The following SEMA3A variants were observed in gnomAD, a reference collection of about 807,000 sequenced individuals.
SEMA3A encodes the protein semaphorin-3A.
Under a neutral mutation model 97.9 loss-of-function variants are expected in SEMA3A, and 29 were observed. The ratio of observed to expected loss-of-function variants is 0.30; its 90% CI spans 0.22 to 0.40. The LOEUF is 0.40. Among genes scored for constraint, SEMA3A ranks in the 10% least tolerant of loss-of-function variants. The pLI, the probability that SEMA3A is intolerant of heterozygous loss-of-function variation, is 1.00. For synonymous variants in SEMA3A, 321 were observed against 323.7 expected (o/e 0.99, Z 0.09); for missense variants, 763 against 951.3 (o/e 0.80, Z 2.60).
At chr7:84,093,537 G>C (rs147963981) in intron 4 of SEMA3A, among the ~76,000 whole-genome samples, 70 of 152,202 alleles carry the variant, frequency 4.6e-4, no homozygotes, top group African/African-American at 1.6e-3. Context: ...TAGGAGAAGA[G>C]AGATGAGGAA....
At chr7:84,243,503 C>T (rs1799413508) in intron 3 of SEMA3A, among the ~76,000 whole-genome samples, 1 of 152,090 alleles carries the variant, frequency 6.6e-6, no homozygotes, top group Non-Finnish European at 1.5e-5. Context: ...TCCCCTTTAT[C>T]ATTTTTTATT....
intron 1 of SEMA3A, among the ~76,000 whole-genome samples, chr7:84,185,285 T>C (rs970600100): frequency 1.3e-5 from 2 of 152,080 alleles, no homozygotes; most frequent in Admixed American, 6.6e-5. Flanking sequence ...CCGGGTACCA[T>C]GAACCTACAA....
chr7:84,468,422 T>C (rs1806061413), intron 1 of SEMA3A, among the ~76,000 whole-genome samples: 1 of 152,208 alleles, frequency 6.6e-6, no homozygotes, highest in South Asian at 2.1e-4. Flanking sequence ...CCTAGTTTAC[T>C]GCATTTAAGG....
Position 84,210,296 on chromosome 7 carries a change from G to A in SEMA3A, c.-82-15628C>T, listed in dbSNP as rs1434550700. ...TGCTCAGATAACACAGATGATAGGC[G>A]CTGAGCCCAACTGGTTTTACAGGAG... On this transcript the variant is annotated intron_variant, in intron 3 of 3. Coordinates refer to the SEMA3A transcript ENST00000424555. Among the ~76,000 whole-genome samples, 5 of 152,076 alleles carry A rather than the reference G, an allele frequency of 3.3e-5. No homozygotes were observed. In the South Asian group the frequency reaches 6.2e-4, roughly 19 times the overall value.
intron 3 of SEMA3A, among the ~76,000 whole-genome samples, chr7:84,260,544 ACT>A (rs1357633576): frequency 6.6e-6 from 1 of 152,150 alleles, no homozygotes; most frequent in African/African-American, 2.4e-5. Flanking sequence ...GCCTGTTCCC[ACT>A]GTCTGGCCTC....
intron 1 of SEMA3A, among the ~76,000 whole-genome samples, chr7:84,419,031 C>A: frequency 6.6e-6 from 1 of 151,910 alleles, no homozygotes; most frequent in East Asian, 1.9e-4. Flanking sequence ...CTGACTAATA[C>A]AATTGGTTTC....
chr7:84,203,526 A>ATATATATATATTTTTTTTTTTTTTTTT (rs372380784), intron 3 of SEMA3A, among the ~76,000 whole-genome samples: 1 of 25,658 alleles, frequency 3.9e-5, no homozygotes, highest in African/African-American at 1.3e-4. Flanking sequence ...ATATATATAT[A>ATATATATATATTTTTTTTTTTTTTTTT]TTTTTTTTTT....
intron 1 of SEMA3A, among the ~76,000 whole-genome samples, chr7:84,400,005 TC>T (rs1446729739): frequency 6.6e-6 from 1 of 152,204 alleles, no homozygotes; most frequent in African/African-American, 2.4e-5. Flanking sequence ...GAAATCTCCC[TC>T]ATCTTCCTTA....
chr7:84,302,221 A>C (rs1037474583), intron 3 of SEMA3A, among the ~76,000 whole-genome samples: 2 of 151,388 alleles, frequency 1.3e-5, no homozygotes, highest in Non-Finnish European at 1.5e-5. Flanking sequence ...AAATTAATGC[A>C]TAGTATCAAA....
intron 1 of SEMA3A, among the ~76,000 whole-genome samples, chr7:84,411,766 AAC>A (rs1361407623): frequency 6.6e-6 from 1 of 152,078 alleles, no homozygotes; most frequent in African/African-American, 2.4e-5. Flanking sequence ...GCTGGGTTTA[AAC>A]AACAGTTTAG....
At chr7:84,062,260 C>A (rs1225742269) in intron 4 of SEMA3A, among the ~76,000 whole-genome samples, 1 of 152,032 alleles carries the variant, frequency 6.6e-6, no homozygotes, top group Non-Finnish European at 1.5e-5. Flanking sequence ...ATATACATCA[C>A]TAAATTACAA....
intron 3 of SEMA3A, among the ~76,000 whole-genome samples, chr7:84,294,054 C>G (rs1800812326): frequency 6.6e-6 from 1 of 151,970 alleles, no homozygotes; most frequent in African/African-American, 2.4e-5. Flanking sequence ...GTAAAATATT[C>G]AATAATATGG....
chr7:84,129,101 A>C lies in SEMA3A; in HGVS notation c.333+22T>G, dbSNP rs759546839. ...ATGAAGGATACTCAACCTGTATAATAATTTAGTAGGTTAATGCTTACCAGG... is the reference window on the plus strand; with the variant it reads ...ATGAAGGATACTCAACCTGTATAATCATTTAGTAGGTTAATGCTTACCAGG... On this transcript the variant is annotated intron_variant, in intron 3 of 16. Coordinates refer to ENST00000265362, the MANE Select transcript of SEMA3A (RefSeq NM_006080.3). 87 of 1,570,208 alleles carry C rather than the reference A, an allele frequency of 5.5e-5. No homozygotes were observed. The Admixed American group carries it at 1.4e-3, about 26-fold the overall frequency.
intron 1 of SEMA3A, among the ~76,000 whole-genome samples, chr7:84,439,061 T>C (rs981657200): frequency 6.6e-6 from 1 of 151,318 alleles, no homozygotes; most frequent in Non-Finnish European, 1.5e-5. Context: ...TAAAAGAGTA[T>C]CAACTTCTAC....
At chr7:84,443,922 T>C (rs1805338239) in intron 1 of SEMA3A, among the ~76,000 whole-genome samples, 1 of 141,406 alleles carries the variant, frequency 7.1e-6, no homozygotes, top group Non-Finnish European at 1.5e-5. Context: ...AGTCTCACTC[T>C]GTTGCCCAAG....
At chr7:84,157,362 T>C (rs990198157) in intron 1 of SEMA3A, among the ~76,000 whole-genome samples, 1 of 152,080 alleles carries the variant, frequency 6.6e-6, no homozygotes, top group Non-Finnish European at 1.5e-5. Context: ...ATGAATAACA[T>C]CTGTAGGCAT....
intron 3 of SEMA3A, among the ~76,000 whole-genome samples, chr7:84,203,985 T>C (rs566861420): frequency 7.2e-5 from 11 of 152,266 alleles, no homozygotes; most frequent in East Asian, 1.9e-4. Context: ...CTTCAAAACA[T>C]AGGAAATTTC....
At chr7:84,445,607 A>G (rs1282848534) in intron 1 of SEMA3A, among the ~76,000 whole-genome samples, 2 of 151,364 alleles carry the variant, frequency 1.3e-5, no homozygotes, top group Non-Finnish European at 2.9e-5. Flanking sequence ...ATTAAATAAT[A>G]CACCCTTAAA....
rs376684446 is a variant in SEMA3A, at chr7:84,134,823, C to T, written c.241G>A (p.Asp81Asn). Residue 81 changes from aspartate (D) to asparagine (N), a missense_variant, in exon 2 of 17, where the codon GAC (aspartate) becomes AAC (asparagine). By Grantham distance (23) the Asp-to-Asn change is conservative (BLOSUM62 1). Coordinates refer to ENST00000265362, the MANE Select transcript of SEMA3A (RefSeq NM_006080.3). Reference sequence around the variant, plus strand: ...TGAAAATCCTTGATATTAACCAGGTCGAATGAAAATATGTGATCCTTTGCT... The same window carrying T: ...TGAAAATCCTTGATATTAACCAGGTTGAATGAAAATATGTGATCCTTTGCT... The part of the protein sequence containing the change: ...VGAKDHIFSF[D>N]LVNIKDFQKI... The T allele has an allele frequency of 1.2e-6, 2 of 1,612,576 alleles. No individual in the cohort carries two copies. Among genetic ancestry groups the T allele is most frequent in the South Asian group, 1.1e-5 (1 of 90,840 alleles).
Sources: gnomAD v4.1 joint callset for allele counts (sites outside exome capture counted in the v4.1 genomes callset) on GRCh38, gnomAD v4.1.1 for gene constraint, MANE v1.5 for transcripts, NCBI Gene and HGNC (gene_info 2026-07-23, HGNC 2026-07-21) for gene names.